The following AHCYL1 variants were observed in gnomAD, a reference collection of about 807,000 sequenced individuals.
AHCYL1 encodes the protein S-adenosylhomocysteine hydrolase-like protein 1.
AHCYL1 carries 20 observed loss-of-function variants against 79.3 expected under a neutral mutation model. That is an observed-to-expected ratio of 0.25 (90% CI 0.18 to 0.37). The LOEUF is 0.37. Among genes scored for constraint, AHCYL1 ranks in the 10% least tolerant of loss-of-function variants. The probability of loss-of-function intolerance (pLI) is 1.00; values close to 1 mark genes in which losing one functional copy is unlikely to be tolerated. For missense variants in AHCYL1, 330 were observed against 673.6 expected, an observed-to-expected ratio of 0.49 and a Z score of 5.65; for synonymous variants, 223 against 242.2, an observed-to-expected ratio of 0.92 and a Z score of 0.74.
intron 4 of AHCYL1, 55 bp from the exon 5 acceptor site, chr1:110,012,841 TC>T: frequency 1.4e-6 from 2 of 1,397,946 alleles, no homozygotes; most frequent in Non-Finnish European, 2.0e-6. Flanking sequence ...AGGCTTGCTC[TC>T]CATTCCTGGG....
intron 1 of AHCYL1, among the ~76,000 whole-genome samples, chr1:110,005,560 T>C (rs1650594675): frequency 6.6e-6 from 1 of 152,208 alleles, no homozygotes; most frequent in South Asian, 2.1e-4. Context: ...GACTAAAGAA[T>C]ATAATGCATC....
chr1:109,992,981 T>C (rs1649845095), intron 1 of AHCYL1, among the ~76,000 whole-genome samples: 1 of 152,240 alleles, frequency 6.6e-6, no homozygotes, highest in African/African-American at 2.4e-5. Context: ...TTTGTCCTTA[T>C]GGCTTGGAAC....
intron 1 of AHCYL1, among the ~76,000 whole-genome samples, chr1:109,989,137 T>A (rs1040009332): frequency 2.0e-5 from 3 of 152,254 alleles, no homozygotes; most frequent in Non-Finnish European, 4.4e-5. Flanking sequence ...TTAAGATTTC[T>A]CCGCAGGTAT....
chr1:110,018,959 G>A, intron 13 of AHCYL1, 92 bp from the exon 14 acceptor site: 1 of 1,142,260 alleles, frequency 8.8e-7, no homozygotes, highest in East Asian at 2.3e-5. Context: ...TGAGTCTAGA[G>A]GGGTGTAAAG....
chr1:109,985,337 A>G, intron 1 of AHCYL1, 165 bp downstream of exon 1: 1 of 1,333,014 alleles, frequency 7.5e-7, no homozygotes, highest in Non-Finnish European at 9.6e-7. Flanking sequence ...CCCGGGCTGA[A>G]AGGCCGCCTC....
intron 1 of AHCYL1, among the ~76,000 whole-genome samples, chr1:110,008,410 T>A (rs959395085): frequency 5.9e-5 from 9 of 152,198 alleles, no homozygotes; most frequent in African/African-American, 2.2e-4. Context: ...TGTGGGTTTT[T>A]AATTTTCTTT....
At chr1:110,014,230 T>G (rs1214111021) in intron 5 of AHCYL1, among the ~76,000 whole-genome samples, 1 of 152,258 alleles carries the variant, frequency 6.6e-6, no homozygotes, top group East Asian at 1.9e-4. Flanking sequence ...ACAATCCCAC[T>G]ACATAGAGTA....
intron 1 of AHCYL1, chr1:109,985,373 G>A: frequency 7.6e-7 from 1 of 1,314,860 alleles, no homozygotes; most frequent in East Asian, 3.2e-5. Flanking sequence ...TTGTCCCTCG[G>A]CCCAAGTCCT....
At chr1:109,990,401 G>A (rs563913879) in intron 1 of AHCYL1, among the ~76,000 whole-genome samples, 52 of 152,258 alleles carry the variant, frequency 3.4e-4, no homozygotes, top group African/African-American at 1.2e-3. Flanking sequence ...GTTTATACCT[G>A]TTATCCTAGC....
intron 1 of AHCYL1, among the ~76,000 whole-genome samples, chr1:110,002,998 G>C (rs1650400459): frequency 6.6e-6 from 1 of 152,192 alleles, no homozygotes. Context: ...AAGGGGGTGG[G>C]AGACATTGGA....
At chr1:110,014,735 A>G in intron 5 of AHCYL1, 28 bp from the exon 6 acceptor site, 2 of 1,545,904 alleles carry the variant, frequency 1.3e-6, no homozygotes, top group Non-Finnish European at 1.8e-6. Flanking sequence ...CAAAGGAGGA[A>G]TCAGCTGATT....
intron 7 of AHCYL1, among the ~76,000 whole-genome samples, chr1:110,015,993 G>A (rs1395306670): frequency 4.6e-5 from 7 of 151,922 alleles, no homozygotes; most frequent in African/African-American, 7.3e-5. Flanking sequence ...ACACACACAC[G>A]GAACCATATC....
chr1:110,014,621 AT>A, intron 5 of AHCYL1, 141 bp from the exon 6 acceptor site: 2 of 579,560 alleles, frequency 3.5e-6, no homozygotes, highest in Non-Finnish European at 6.1e-6. Context: ...ACCAAAAGTG[AT>A]TCTTTGACTT....
intron 1 of AHCYL1, among the ~76,000 whole-genome samples, chr1:109,991,993 C>A (rs1468436570): frequency 6.6e-6 from 1 of 152,146 alleles, no homozygotes; most frequent in African/African-American, 2.4e-5. Context: ...CCCTTTTCCC[C>A]CAAGACTGGC....
chr1:110,016,571 TATTCTC>T, intron 8 of AHCYL1, 90 bp from the exon 9 acceptor site: 5 of 1,573,664 alleles, frequency 3.2e-6, no homozygotes, highest in Admixed American at 1.7e-5. Flanking sequence ...TTCCAATTGA[TATTCTC>T]ATGGGCATTG....
intron 13 of AHCYL1, 62 bp from the exon 14 acceptor site, chr1:110,018,989 G>T: frequency 1.3e-6 from 2 of 1,528,074 alleles, no homozygotes; most frequent in South Asian, 2.2e-5. Flanking sequence ...GCTTTGGCTT[G>T]ACTTGTATGC....
chr1:110,010,106 G>A (rs1235503102), intron 2 of AHCYL1, among the ~76,000 whole-genome samples: 1 of 152,170 alleles, frequency 6.6e-6, no homozygotes, highest in African/African-American at 2.4e-5. Context: ...CTGTAGCCAA[G>A]AAAGAAGAAA....
chr1:110,004,328 C>T, intron 1 of AHCYL1: 2 of 985,402 alleles, frequency 2.0e-6, no homozygotes, highest in Non-Finnish European at 2.4e-6. Flanking sequence ...GAGCCGGGAG[C>T]AGCCAAAACC....
chr1:110,004,017 T>C, intron 1 of AHCYL1: 12 of 985,382 alleles, frequency 1.2e-5, no homozygotes, highest in Non-Finnish European at 1.4e-5. Context: ...TTTCAAGCTG[T>C]GTGTTCCTTA....
Sources: allele counts gnomAD v4.1 joint callset (sites outside exome capture counted in the v4.1 genomes callset), GRCh38; gene constraint gnomAD v4.1.1; transcripts MANE v1.5; gene names NCBI Gene and HGNC (gene_info 2026-07-23, HGNC 2026-07-21).